The following MTREX variants were observed in gnomAD, a reference collection of about 807,000 sequenced individuals.
MTREX encodes the protein exosome RNA helicase MTR4.
A neutral mutation model predicts 135.4 loss-of-function variants in MTREX; 76 were observed. The observed-to-expected ratio is 0.56, with a 90% CI of 0.47 to 0.68. The LOEUF (loss-of-function observed/expected upper bound fraction) is 0.68, where lower values mean the gene tolerates loss of function less well. Ranked by LOEUF, MTREX falls within the 30% of genes least tolerant of loss-of-function variation. The probability of loss-of-function intolerance (pLI) is 0.00; values close to 1 mark genes in which losing one functional copy is unlikely to be tolerated. For missense variants in MTREX, 920 were observed against 1,262.1 expected (o/e 0.73, Z 4.11); for synonymous variants, 404 against 401.6 (o/e 1.01, Z -0.07).
chr5:55,409,135 T>C (rs1750850081), intron 22 of MTREX, among the ~76,000 whole-genome samples: 2 of 151,946 alleles, frequency 1.3e-5, no homozygotes, highest in Admixed American at 6.6e-5. Flanking sequence ...TATTGCTTTG[T>C]AGAGACAGGG....
Position 55,415,955 on chromosome 5 carries a change from C to G in MTREX, c.2809-15C>G, listed in dbSNP as rs371168125. On this transcript the variant is annotated splice_polypyrimidine_tract_variant and intron_variant, in intron 24 of 26. Coordinates refer to ENST00000230640, the MANE Select transcript of MTREX (RefSeq NM_015360.5). ...AGATCATAAGTAAGGAATTTTAACT[C>G]TTTTATCTTTAAAGGAATGTGCTAA... 2 of 1,563,970 alleles carry G rather than the reference C, an allele frequency of 1.3e-6. No homozygotes were observed. The highest frequency in any genetic ancestry group is 4.6e-5 in the East Asian group (2 of 43,258).
At chr5:55,347,660 A>G (rs578044037) in intron 11 of MTREX, among the ~76,000 whole-genome samples, 11 of 152,380 alleles carry the variant, frequency 7.2e-5, no homozygotes, top group African/African-American at 2.6e-4. Context: ...GAAGTCACAC[A>G]GTTAAGACAG....
chr5:55,410,405 A>C, intron 22 of MTREX, 119 bp from the exon 23 acceptor site: 1 of 463,002 alleles, frequency 2.2e-6, no homozygotes, highest in Non-Finnish European at 3.9e-6. Context: ...GTCATTCCTC[A>C]TTGATTACTC....
intron 5 of MTREX, among the ~76,000 whole-genome samples, chr5:55,336,219 G>A (rs913855775): frequency 5.9e-5 from 9 of 152,042 alleles, no homozygotes; most frequent in African/African-American, 2.2e-4. Context: ...TTTTCAATAT[G>A]TGTGTCTTAT....
intron 26 of MTREX, 59 bp downstream of exon 26, chr5:55,423,041 G>A: frequency 7.4e-7 from 1 of 1,354,348 alleles, no homozygotes; most frequent in Non-Finnish European, 1.0e-6. Flanking sequence ...AGCAAATCTT[G>A]AGCCCTGGAC....
chr5:55,417,952 A>G (rs1369531671), intron 25 of MTREX, among the ~76,000 whole-genome samples: 1 of 151,618 alleles, frequency 6.6e-6, no homozygotes. Flanking sequence ...AGTAAAAAGC[A>G]GGCCAGGCAC....
chr5:55,399,073 G>A (rs1750685301), intron 20 of MTREX, among the ~76,000 whole-genome samples: 1 of 152,122 alleles, frequency 6.6e-6, no homozygotes, highest in Admixed American at 6.6e-5. Context: ...CCTCACACCA[G>A]TGACTCAGTT....
intron 21 of MTREX, among the ~76,000 whole-genome samples, chr5:55,403,476 A>G (rs1750755425): frequency 1.3e-5 from 2 of 152,338 alleles, no homozygotes; most frequent in South Asian, 2.1e-4. Context: ...TATTTAACCC[A>G]TTATATCTAA....
rs986488398 is a variant in MTREX, at chr5:55,410,458, G to A, written c.2646-66G>A. ...TATTTTATTAAAAACTACACGTTAA[G>A]GGCATATGTGTGTGCATGTGTGTCT... On this transcript the variant is annotated intron_variant, in intron 22 of 26. Coordinates refer to ENST00000230640, the MANE Select transcript of MTREX (RefSeq NM_015360.5). The A allele has an allele frequency of 3.9e-5, 32 of 820,654 alleles. No homozygotes were observed. In the African/African-American group the frequency reaches 4.9e-4, roughly 13 times the overall value. 50.8% of individuals were successfully genotyped at this position (820,654 alleles called of 1,614,324 possible). A position where few individuals can be genotyped will look rare whatever the true frequency, so the allele number is the denominator to read the frequency against.
intron 16 of MTREX, among the ~76,000 whole-genome samples, chr5:55,374,265 T>TATAC (rs1750257008): frequency 1.1e-5 from 1 of 93,124 alleles, no homozygotes; most frequent in Non-Finnish European, 2.1e-5. Flanking sequence ...AAAAAACATT[T>TATAC]ATATATATAT....
intron 1 of MTREX, among the ~76,000 whole-genome samples, chr5:55,309,356 C>G (rs1462710153): frequency 6.6e-6 from 1 of 152,004 alleles, no homozygotes; most frequent in Non-Finnish European, 1.5e-5. Flanking sequence ...ATTAATTTGG[C>G]AGTGGTTGGC....
chr5:55,350,282 A>G (rs1749805299), intron 12 of MTREX, among the ~76,000 whole-genome samples: 1 of 152,166 alleles, frequency 6.6e-6, no homozygotes. Flanking sequence ...TCCTTTACAG[A>G]TGAATGCCTT....
chr5:55,358,434 A>C, intron 14 of MTREX, 139 bp from the exon 15 acceptor site: 1 of 730,322 alleles, frequency 1.4e-6, no homozygotes, highest in East Asian at 3.2e-5. Flanking sequence ...AACTCTTCTC[A>C]AACTTCATGT....
chr5:55,320,338 C>T (rs1236019749), intron 1 of MTREX, among the ~76,000 whole-genome samples: 1 of 151,922 alleles, frequency 6.6e-6, no homozygotes, highest in Non-Finnish European at 1.5e-5. Context: ...CCTCAGCCTC[C>T]CGAGTACCTG....
At chr5:55,351,072 T>C (rs191676610) in intron 13 of MTREX, 43 bp downstream of exon 13, 2 of 1,522,674 alleles carry the variant, frequency 1.3e-6, no homozygotes, top group Admixed American at 2.4e-5. Context: ...TATCATGTTG[T>C]ATGAAGAGTT....
intron 23 of MTREX, among the ~76,000 whole-genome samples, chr5:55,411,265 T>C (rs1183554888): frequency 6.6e-6 from 1 of 152,194 alleles, no homozygotes; most frequent in Non-Finnish European, 1.5e-5. Context: ...GTAAGATATA[T>C]TGTTTTGCAT....
At chr5:55,342,191 T>C (rs1367399226) in intron 7 of MTREX, among the ~76,000 whole-genome samples, 1 of 152,226 alleles carries the variant, frequency 6.6e-6, no homozygotes, top group Non-Finnish European at 1.5e-5. Flanking sequence ...ATTACAGGCG[T>C]GAACCGCACC....
chr5:55,324,555 C>G (rs1749342294), intron 3 of MTREX: 1 of 147,164 alleles, frequency 6.8e-6, no homozygotes, highest in African/African-American at 2.5e-5. Flanking sequence ...TCAAGCAATT[C>G]TCCTGCCTCA....
At position 55,341,772 on chromosome 5, in the gene MTREX, G is replaced by C; in HGVS notation, c.781+1G>C. The stretch of plus-strand genomic sequence containing the variant: ...GAAATTCATTATATGAGAGATTCAG[G>C]TATATTCAGTGTTGAAATGTATATC... On this transcript the variant is annotated splice_donor_variant, in intron 7 of 26. Transcript: ENST00000230640. LOFTEE classifies it high-confidence loss of function. The C allele has an allele frequency of 7.0e-7, 1 of 1,420,418 alleles. No homozygotes were observed. Among genetic ancestry groups the C allele is most frequent in the Non-Finnish European group, 9.9e-7 (1 of 1,013,392 alleles). 88.0% of individuals were successfully genotyped at this position (1,420,418 alleles called of 1,614,324 possible).
Sources: allele counts gnomAD v4.1 joint callset (sites outside exome capture counted in the v4.1 genomes callset), GRCh38; gene constraint gnomAD v4.1.1; transcripts MANE v1.5; gene names NCBI Gene and HGNC (gene_info 2026-07-23, HGNC 2026-07-21).